Variants in EPHA3 observed in about 807,000 individuals in gnomAD.
The protein encoded by EPHA3 is EPH receptor A3, also known as ephrin type-A receptor 3.
A neutral mutation model predicts 107.1 loss-of-function variants in EPHA3; 42 were observed. The ratio of observed to expected loss-of-function variants is 0.39; its 90% CI spans 0.31 to 0.51. The LOEUF is 0.51. Ranked by LOEUF, EPHA3 falls within the 20% of genes least tolerant of loss-of-function variation. The probability of loss-of-function intolerance (pLI) is 0.78; values close to 1 mark genes in which losing one functional copy is unlikely to be tolerated. For missense variants in EPHA3, 1,183 were observed against 1,211.2 expected (o/e 0.98, Z 0.35); for synonymous variants, 461 against 424.8 (o/e 1.09, Z -1.05).
At chr3:89,129,844 A>G (rs1456821902) in intron 2 of EPHA3, among the ~76,000 whole-genome samples, 1 of 152,174 alleles carries the variant, frequency 6.6e-6, no homozygotes, top group African/African-American at 2.4e-5. Context: ...TTTTTCATAA[A>G]AAAAAGACAA....
At chr3:89,270,505 A>G (rs1402339815) in intron 3 of EPHA3, among the ~76,000 whole-genome samples, 1 of 152,062 alleles carries the variant, frequency 6.6e-6, no homozygotes, top group African/African-American at 2.4e-5. Context: ...TTAAGGAGAG[A>G]TGCAATAATG....
At chr3:89,253,180 C>T (rs1210668354) in intron 3 of EPHA3, among the ~76,000 whole-genome samples, 1 of 152,084 alleles carries the variant, frequency 6.6e-6, no homozygotes, top group African/African-American at 2.4e-5. Flanking sequence ...CTGTTAATAA[C>T]TGTAAATTAT....
At chr3:89,269,942 A>G (rs564212030) in intron 3 of EPHA3, among the ~76,000 whole-genome samples, 15 of 151,652 alleles carry the variant, frequency 9.9e-5, no homozygotes, top group Middle Eastern at 3.4e-3. Context: ...CAAGATTTTC[A>G]TTTACAGGGT....
At chr3:89,115,896 C>T (rs1707243681) in intron 1 of EPHA3, among the ~76,000 whole-genome samples, 1 of 152,182 alleles carries the variant, frequency 6.6e-6, no homozygotes. Context: ...AGGAAAAGCA[C>T]TAGCTTCTCA....
chr3:89,211,814 TCTTCTC>T lies in EPHA3; in HGVS notation c.814+1303_814+1308del, dbSNP rs1559603089. 3.0e-3 allele frequency among the ~76,000 whole-genome samples: 302 copies of T among 101,068 alleles called. 1 individual carries two copies. The highest frequency in any genetic ancestry group is 0.013 in the African/African-American group (242 of 19,248). The allele number at this position is 101,068 out of a possible 152,430, so 66.3% of individuals were successfully genotyped here. A position where few individuals can be genotyped will look rare whatever the true frequency, so the allele number is the denominator to read the frequency against. On this transcript the variant is annotated intron_variant, in intron 3 of 16. Transcript: ENST00000336596. ...TTCTTCTTCTTCTTCTTCTTCTTCT[TCTTCTC>T]CTTCTCCTCCTCCTCCTCTTTCTTT...
At chr3:89,373,475 G>A (rs1708345759) in intron 5 of EPHA3, among the ~76,000 whole-genome samples, 1 of 151,820 alleles carries the variant, frequency 6.6e-6, no homozygotes, top group African/African-American at 2.4e-5. Context: ...ATTGTGAAAT[G>A]GCAATGTTAT....
intron 5 of EPHA3, among the ~76,000 whole-genome samples, chr3:89,348,771 C>G (rs1466154557): frequency 7.1e-6 from 1 of 140,072 alleles, no homozygotes. Flanking sequence ...AAATTTCCCT[C>G]TACACACTGC....
At chr3:89,348,215 G>A (rs1197730322) in intron 5 of EPHA3, among the ~76,000 whole-genome samples, 10 of 128,780 alleles carry the variant, frequency 7.8e-5, no homozygotes, top group African/African-American at 2.9e-4. Context: ...TGTACCTCTG[G>A]TAGAATTCGG....
intron 3 of EPHA3, among the ~76,000 whole-genome samples, chr3:89,242,103 G>A (rs1704909645): frequency 6.6e-6 from 1 of 152,170 alleles, no homozygotes; most frequent in Non-Finnish European, 1.5e-5. Flanking sequence ...GAAATACACG[G>A]TTGGCAGAGT....
intron 3 of EPHA3, among the ~76,000 whole-genome samples, chr3:89,335,353 T>C (rs1233352842): frequency 2.6e-5 from 4 of 152,158 alleles, no homozygotes; most frequent in African/African-American, 9.7e-5. Context: ...ATCTCATTCA[T>C]GAGGACTCTG....
chr3:89,174,098 T>C (rs1325654068), intron 2 of EPHA3, among the ~76,000 whole-genome samples: 2 of 152,060 alleles, frequency 1.3e-5, no homozygotes, highest in East Asian at 1.9e-4. Flanking sequence ...AAATGACTCA[T>C]GGAGATAAGT....
chr3:89,375,264 A>G (rs940405451), intron 5 of EPHA3, among the ~76,000 whole-genome samples: 9 of 151,972 alleles, frequency 5.9e-5, no homozygotes, highest in Non-Finnish European at 7.4e-5. Context: ...TGTCACCAAT[A>G]TTCCTAAGTA....
At chr3:89,359,374 T>C (rs1198454002) in intron 5 of EPHA3, among the ~76,000 whole-genome samples, 1 of 150,742 alleles carries the variant, frequency 6.6e-6, no homozygotes, top group African/African-American at 2.4e-5. Context: ...GTATGAAAAG[T>C]AAAAACGATT....
intron 5 of EPHA3, among the ~76,000 whole-genome samples, chr3:89,389,746 T>A (rs1708687891): frequency 6.6e-6 from 1 of 152,242 alleles, no homozygotes; most frequent in African/African-American, 2.4e-5. Flanking sequence ...ATGTATCAAG[T>A]GTAATTCTAA....
intron 1 of EPHA3, among the ~76,000 whole-genome samples, chr3:89,118,741 T>C (rs1477327710): frequency 6.6e-6 from 1 of 151,978 alleles, no homozygotes; most frequent in Non-Finnish European, 1.5e-5. Context: ...AGTACTTATC[T>C]GAGGATTAGT....
intron 5 of EPHA3, among the ~76,000 whole-genome samples, chr3:89,359,832 T>C (rs150021232): frequency 0.016 from 1,997 of 127,824 alleles, 63 homozygotes; most frequent in African/African-American, 0.018. Flanking sequence ...CATATATATA[T>C]ACATATATAT....
At chr3:89,352,166 C>A (rs142838862) in intron 5 of EPHA3, among the ~76,000 whole-genome samples, 2,078 of 151,336 alleles carry the variant, frequency 0.014, 111 homozygotes, top group South Asian at 0.024. Context: ...GAATTCCTAT[C>A]CTCTGCTTTA....
At chr3:89,476,144 T>TA (rs1270300172) in intron 16 of EPHA3, among the ~76,000 whole-genome samples, 1 of 147,562 alleles carries the variant, frequency 6.8e-6, no homozygotes, top group Non-Finnish European at 1.5e-5. Flanking sequence ...ATATATTATA[T>TA]ATAATATATA....
intron 3 of EPHA3, among the ~76,000 whole-genome samples, chr3:89,258,929 A>G (rs1436526590): frequency 6.6e-6 from 1 of 152,188 alleles, no homozygotes; most frequent in East Asian, 1.9e-4. Flanking sequence ...AAACAAGTTT[A>G]CACCAAACAA....
Sources: gnomAD v4.1 joint callset for allele counts (sites outside exome capture counted in the v4.1 genomes callset) on GRCh38, gnomAD v4.1.1 for gene constraint, MANE v1.5 for transcripts, NCBI Gene and HGNC (gene_info 2026-07-23, HGNC 2026-07-21) for gene names.